PTPN14: variants seen among roughly 807,000 people sequenced by gnomAD.
PTPN14 encodes the protein protein tyrosine phosphatase non-receptor type 14.
Under a neutral mutation model 126.8 loss-of-function variants are expected in PTPN14, and 53 were observed. That is an observed-to-expected ratio of 0.42 (90% CI 0.34 to 0.53). The LOEUF is 0.53. Ranked by LOEUF, PTPN14 falls within the 20% of genes least tolerant of loss-of-function variation. PTPN14 has a pLI of 0.08. For synonymous variants in PTPN14, 630 were observed against 599.3 expected (o/e 1.05, Z -0.75); for missense variants, 1,257 against 1,552.9 (o/e 0.81, Z 3.20).
At chr1:214,363,067 TAGAG>T (rs1357487707) in intron 18 of PTPN14, among the ~76,000 whole-genome samples, 1 of 152,152 alleles carries the variant, frequency 6.6e-6, no homozygotes, top group Non-Finnish European at 1.5e-5. Context: ...GTGATGGGAA[TAGAG>T]AGGCAAACAA....
At chr1:214,545,895 A>G (rs111305898) in intron 1 of PTPN14, among the ~76,000 whole-genome samples, 78 of 152,228 alleles carry the variant, frequency 5.1e-4, no homozygotes, top group African/African-American at 1.8e-3. Context: ...AGATAAACCC[A>G]ACTGTTTGGT....
chr1:214,484,203 A>C (rs1434876208), intron 1 of PTPN14, among the ~76,000 whole-genome samples: 1 of 152,178 alleles, frequency 6.6e-6, no homozygotes, highest in East Asian at 1.9e-4. Flanking sequence ...CAGGAGTTCA[A>C]GACCAGCCTG....
chr1:214,547,463 G>A (rs919740644), intron 1 of PTPN14, among the ~76,000 whole-genome samples: 4 of 152,234 alleles, frequency 2.6e-5, no homozygotes, highest in Non-Finnish European at 4.4e-5. Context: ...AGGTTGATAC[G>A]AAGATCTATG....
intron 1 of PTPN14, among the ~76,000 whole-genome samples, chr1:214,483,559 C>T (rs1382064123): frequency 6.6e-6 from 1 of 152,144 alleles, no homozygotes; most frequent in East Asian, 1.9e-4. Flanking sequence ...TATTTTTATA[C>T]TCTGTTATGC....
intron 11 of PTPN14, among the ~76,000 whole-genome samples, chr1:214,387,603 G>A (rs1658651120): frequency 1.3e-5 from 2 of 151,750 alleles, no homozygotes; most frequent in South Asian, 4.2e-4. Context: ...CGTTGAACCT[G>A]GGCGGCGGAG....
At chr1:214,431,234 T>C (rs942855307) in intron 3 of PTPN14, among the ~76,000 whole-genome samples, 1 of 152,208 alleles carries the variant, frequency 6.6e-6, no homozygotes, top group African/African-American at 2.4e-5. Context: ...GGTAAGACAT[T>C]ATGTATTTTT....
Position 214,384,142 on chromosome 1 carries a change from TG to T in PTPN14, c.1712del (p.Pro571HisfsTer28). 1 of 1,575,504 alleles carries T rather than the reference TG, an allele frequency of 6.3e-7. No individual in the cohort carries two copies. Among genetic ancestry groups the T allele is most frequent in the Non-Finnish European group, 8.6e-7 (1 of 1,163,322 alleles). The part of the protein sequence containing the change: ...NYLFRPPPPY[P>X]RPRPATSTPD... ...GGGTGCTGGTGGCAGGTCGTGGCCG[TG>T]GGTAGGGGGGCGGTGGCCTGAAGAG... is the stretch of plus-strand genomic sequence containing the variant. On this transcript the variant is annotated frameshift_variant, in exon 13 of 19. Coordinates refer to ENST00000366956, the MANE Select transcript of PTPN14 (RefSeq NM_005401.5). LOFTEE classifies it high-confidence loss of function. The surrounding 1 kb of genome is among the most constrained non-coding windows in gnomAD (Gnocchi z 5.3).
intron 15 of PTPN14, among the ~76,000 whole-genome samples, chr1:214,374,303 G>A (rs1658290173): frequency 6.6e-6 from 1 of 152,176 alleles, no homozygotes; most frequent in African/African-American, 2.4e-5. Context: ...GTCAAAGCTG[G>A]CAAGAAAAAT....
chr1:214,468,844 A>C (rs1377896192), intron 1 of PTPN14, among the ~76,000 whole-genome samples: 1 of 152,218 alleles, frequency 6.6e-6, no homozygotes, highest in African/African-American at 2.4e-5. Context: ...CTGATCCTTA[A>C]TATCACAGGT....
chr1:214,446,387 A>G (rs1660142450), intron 3 of PTPN14, among the ~76,000 whole-genome samples: 1 of 152,172 alleles, frequency 6.6e-6, no homozygotes, highest in South Asian at 2.1e-4. Flanking sequence ...ACACAATCAT[A>G]GTGTCTTGGC....
At chr1:214,509,540 TTTGCTG>T (rs1277403443) in intron 1 of PTPN14, among the ~76,000 whole-genome samples, 1 of 152,256 alleles carries the variant, frequency 6.6e-6, no homozygotes, top group Non-Finnish European at 1.5e-5. Context: ...ATAAGGCTGT[TTTGCTG>T]TTGCTGTTGC....
chr1:214,365,528 A>G (rs889562356), intron 17 of PTPN14, among the ~76,000 whole-genome samples: 18 of 152,184 alleles, frequency 1.2e-4, no homozygotes, highest in Non-Finnish European at 2.5e-4. Flanking sequence ...GTAGCTCAGG[A>G]CAGAAACAGG....
chr1:214,454,772 C>T (rs1249165938), intron 2 of PTPN14, among the ~76,000 whole-genome samples: 1 of 152,190 alleles, frequency 6.6e-6, no homozygotes, highest in Non-Finnish European at 1.5e-5. Flanking sequence ...CAGAATATTT[C>T]AGGGTGACTC....
At chr1:214,506,470 T>C (rs1410005960) in intron 1 of PTPN14, among the ~76,000 whole-genome samples, 1 of 151,894 alleles carries the variant, frequency 6.6e-6, no homozygotes, top group Non-Finnish European at 1.5e-5. Context: ...TAAGTTGTGA[T>C]GGTGCCACTG....
chr1:214,528,914 G>C (rs1216428119), intron 1 of PTPN14: 1 of 150,358 alleles, frequency 6.7e-6, no homozygotes, highest in Admixed American at 6.6e-5. Flanking sequence ...CTGGGTGACA[G>C]AGCAAGACTC....
intron 1 of PTPN14, among the ~76,000 whole-genome samples, chr1:214,489,712 G>A (rs761809914): frequency 6.6e-5 from 10 of 152,138 alleles, no homozygotes; most frequent in Non-Finnish European, 1.3e-4. Context: ...CCAGAGCCTC[G>A]TAGGGTACTT....
At chr1:214,517,481 T>A (rs556577359) in intron 1 of PTPN14, among the ~76,000 whole-genome samples, 2,235 of 128,496 alleles carry the variant, frequency 0.017, 29 homozygotes, top group Non-Finnish European at 0.023. Context: ...TTAATGAGCA[T>A]AATATTAAAA....
At chr1:214,368,204 A>ATTTATTTAT (rs1658129978) in intron 17 of PTPN14, among the ~76,000 whole-genome samples, 1 of 150,822 alleles carries the variant, frequency 6.6e-6, no homozygotes, top group African/African-American at 2.4e-5. Flanking sequence ...GTTTTTATTT[A>ATTTATTTAT]TTTATTTATT....
At position 214,364,864 on chromosome 1, in the gene PTPN14, A is replaced by G. The variant is rs1427942879; in HGVS notation, c.3272-189T>C. Among the ~76,000 whole-genome samples the G allele has an allele frequency of 6.6e-6, 1 of 151,622 alleles. No homozygotes were observed. The highest frequency in any genetic ancestry group is 1.5e-5 in the Non-Finnish European group (1 of 67,976). On this transcript the variant is annotated intron_variant, in intron 17 of 18. Coordinates refer to ENST00000366956, the MANE Select transcript of PTPN14 (RefSeq NM_005401.5). This position sits in a 1 kb window ranked among gnomAD's most constrained non-coding sequence, Gnocchi z 4.1. ...ACACTAATTATTTGGCTGGTACCCA[A>G]TGTACAGTCCTGGATCCAGACAGGA...
Sources: allele counts gnomAD v4.1 joint callset (sites outside exome capture counted in the v4.1 genomes callset), GRCh38; gene constraint gnomAD v4.1.1; non-coding constraint Gnocchi (gnomAD v3.1); transcripts MANE v1.5; gene names NCBI Gene and HGNC (gene_info 2026-07-23, HGNC 2026-07-21).